The following ACAN variants were observed in gnomAD, a reference collection of about 807,000 sequenced individuals.
ACAN encodes the protein aggrecan, also known as aggrecan core protein.
Under a neutral mutation model 169.1 loss-of-function variants are expected in ACAN, and 47 were observed. The ratio of observed to expected loss-of-function variants is 0.28; its 90% CI spans 0.22 to 0.35. The LOEUF (loss-of-function observed/expected upper bound fraction) is 0.35, where lower values mean the gene tolerates loss of function less well. Among genes scored for constraint, ACAN ranks in the 10% least tolerant of loss-of-function variants. ACAN has a pLI of 1.00. For missense variants in ACAN, 2,716 were observed against 2,759.9 expected (o/e 0.98, Z 0.36); for synonymous variants, 1,115 against 1,112.2 (o/e 1.00, Z -0.05).
At position 88,872,288 on chromosome 15, in the gene ACAN, G is replaced by A. The variant is rs1439046069; in HGVS notation, c.7302+203G>A. On this transcript the variant is annotated intron_variant, in intron 16 of 18. Transcript: ENST00000560601. This position sits in a 1 kb window ranked among gnomAD's most constrained non-coding sequence, Gnocchi z 5.4. ...GGACAGATTGAGCTAATGATGGCAA[G>A]AGGCAAGGAGCCAGGAAGGAAATGA... Among the ~76,000 whole-genome samples, 1 of 152,202 alleles carries A rather than the reference G, an allele frequency of 6.6e-6. No individual in the cohort carries two copies. Among genetic ancestry groups the A allele is most frequent in the Non-Finnish European group, 1.5e-5 (1 of 68,020 alleles).
chr15:88,860,504 A>G (rs1300348687), intron 13 of ACAN, 65 bp downstream of exon 13: 2 of 1,421,048 alleles, frequency 1.4e-6, no homozygotes, highest in African/African-American at 1.4e-5. Context: ...TCATCCCCCA[A>G]AGGGTCCCCA....
In ACAN at chr15:88,849,413, T is replaced by A; in HGVS notation, c.1733-25T>A. 7 of 1,548,222 alleles carry A rather than the reference T, an allele frequency of 4.5e-6. No homozygotes were observed. Among genetic ancestry groups the A allele is most frequent in the Non-Finnish European group, 6.1e-6 (7 of 1,144,692 alleles). On this transcript the variant is annotated intron_variant, in intron 9 of 18. Coordinates refer to ENST00000560601, the MANE Select transcript of ACAN (RefSeq NM_001369268.1). This position sits in a 1 kb window ranked among gnomAD's most constrained non-coding sequence, Gnocchi z 5.1. ...CTGGCCTGAGTGTGGGGGGGTCATA[T>A]TCTACCCCTTGCCTCTGCCCCCAGG... is the stretch of plus-strand genomic sequence containing the variant.
rs1436028249 is a variant in ACAN, at chr15:88,839,797, G to T, written c.455-215G>T. Reference sequence around the variant, plus strand: ...CAGTATTATCATAAGTCTTTAAAAAGGAATGCCTTATAAAGTAGTGAGCTC... The same window carrying T: ...CAGTATTATCATAAGTCTTTAAAAATGAATGCCTTATAAAGTAGTGAGCTC... On this transcript the variant is annotated intron_variant, in intron 3 of 18. Coordinates refer to ENST00000560601, the MANE Select transcript of ACAN (RefSeq NM_001369268.1). This position sits in a 1 kb window ranked among gnomAD's most constrained non-coding sequence, Gnocchi z 4.5. Among the ~76,000 whole-genome samples the T allele has an allele frequency of 6.6e-6, 1 of 152,202 alleles. No individual in the cohort carries two copies. The highest frequency in any genetic ancestry group is 1.9e-4 in the East Asian group (1 of 5,202).
In ACAN at chr15:88,870,651, C is replaced by G. The variant is rs1897358413; in HGVS notation, c.7061-731C>G. On this transcript the variant is annotated intron_variant, in intron 14 of 18. Transcript: ENST00000560601. The surrounding 1 kb of genome is among the most constrained non-coding windows in gnomAD (Gnocchi z 6.3). ...CAAGAACTCCAAGCCAGCCCCTTCT[C>G]CAGACTGAGAACCCATTACGAATTT... 6.6e-6 allele frequency among the ~76,000 whole-genome samples: 1 copy of G among 152,144 alleles called. No individual in the cohort carries two copies. The highest frequency in any genetic ancestry group is 2.4e-5 in the African/African-American group (1 of 41,450).
Position 88,857,239 on chromosome 15 carries a change from G to C in ACAN, c.4654G>C (p.Gly1552Arg). The C allele has an allele frequency of 6.2e-7, 1 of 1,613,838 alleles. No homozygotes were observed. The highest frequency in any genetic ancestry group is 8.5e-7 in the Non-Finnish European group (1 of 1,179,878). The change falls in exon 12 of 19, where the codon GGA (glycine) becomes CGA (arginine). Residue 1552 changes from glycine to arginine, a missense_variant. Transcript: ENST00000560601. Reference sequence around the variant, plus strand: ...GGACCTCAGTGGACTTCCTTCTGGAGGAGAAGGTCTAGAGACCTCTGCTTC... The same window carrying C: ...GGACCTCAGTGGACTTCCTTCTGGACGAGAAGGTCTAGAGACCTCTGCTTC... ...FGDLSGLPSG[G>R]EGLETSASEV...
At chr15:88,829,957 G>A (rs2141540401) in intron 1 of ACAN, among the ~76,000 whole-genome samples, 1 of 152,288 alleles carries the variant, frequency 6.6e-6, no homozygotes, top group Middle Eastern at 3.4e-3. Context: ...AGAAAAATTG[G>A]GTGCTAAACA....
In ACAN at chr15:88,807,807, T is replaced by A. The variant is rs1895724165; in HGVS notation, c.-8+3998T>A. Among the ~76,000 whole-genome samples, 1 of 141,580 alleles carries A rather than the reference T, an allele frequency of 7.1e-6. No homozygotes were observed. The highest frequency in any genetic ancestry group is 2.3e-4 in the East Asian group (1 of 4,410). 92.9% of individuals were successfully genotyped at this position (141,580 alleles called of 152,430 possible). On this transcript the variant is annotated intron_variant, in intron 1 of 18. Coordinates refer to ENST00000560601, the MANE Select transcript of ACAN (RefSeq NM_001369268.1). This position sits in a 1 kb window ranked among gnomAD's most constrained non-coding sequence, Gnocchi z 4.0. Reference sequence around the variant, plus strand: ...GTGTGCATGCTGGCAGGGCGGGCCCTGCGGGCTGGCCAGGCCTGTGAGAGG... The same window carrying A: ...GTGTGCATGCTGGCAGGGCGGGCCCAGCGGGCTGGCCAGGCCTGTGAGAGG...
At chr15:88,820,709 C>T (rs994758178) in intron 1 of ACAN, among the ~76,000 whole-genome samples, 2 of 152,132 alleles carry the variant, frequency 1.3e-5, no homozygotes, top group African/African-American at 4.8e-5. Context: ...TGCATCCTCT[C>T]AACTCCCAGA....
intron 13 of ACAN, among the ~76,000 whole-genome samples, chr15:88,864,211 A>G (rs1201880674): frequency 1.3e-5 from 2 of 152,264 alleles, no homozygotes; most frequent in East Asian, 3.9e-4. Context: ...TATATTCAAG[A>G]TCAACCTTTA....
chr15:88,851,383 ATTC>A lies in ACAN; in HGVS notation c.2027-410_2027-408del. On this transcript the variant is annotated intron_variant, in intron 10 of 18. Transcript: ENST00000560601. This position sits in a 1 kb window ranked among gnomAD's most constrained non-coding sequence, Gnocchi z 4.3. ...GTGGAGTCTGGTACCAGATGCTTAA[ATTC>A]AAAGACTAGATCTGACATTTGTAAG... is the stretch of plus-strand genomic sequence containing the variant. 6.1e-6 allele frequency: 1 copy of A among 163,596 alleles called. No individual in the cohort carries two copies. 10.1% of individuals were successfully genotyped at this position (163,596 alleles called of 1,614,324 possible).
chr15:88,831,195 T>C (rs1443429891), intron 1 of ACAN, among the ~76,000 whole-genome samples: 1 of 152,234 alleles, frequency 6.6e-6, no homozygotes, highest in Non-Finnish European at 1.5e-5. Context: ...GCCAATTGGC[T>C]GTAGCATAAC....
chr15:88,825,308 G>T (rs914569518), intron 1 of ACAN, among the ~76,000 whole-genome samples: 1 of 152,112 alleles, frequency 6.6e-6, no homozygotes, highest in Non-Finnish European at 1.5e-5. Context: ...GACTTCTGGT[G>T]GGTGACTTGG....
At chr15:88,848,156 C>G in intron 9 of ACAN, 118 bp downstream of exon 9, 1 of 1,431,244 alleles carries the variant, frequency 7.0e-7, no homozygotes, top group Non-Finnish European at 9.4e-7. Flanking sequence ...TTCCACCCAG[C>G]TTTCCAGGTG....
chr15:88,874,092 C>A lies in ACAN; in HGVS notation c.7630+68C>A, dbSNP rs777026700. 1.3e-6 allele frequency: 2 copies of A among 1,578,738 alleles called. No homozygotes were observed. Among genetic ancestry groups the A allele is most frequent in the East Asian group, 2.3e-5 (1 of 44,204 alleles). On this transcript the variant is annotated intron_variant, in intron 18 of 18. Coordinates refer to ENST00000560601, the MANE Select transcript of ACAN (RefSeq NM_001369268.1). This position sits in a 1 kb window ranked among gnomAD's most constrained non-coding sequence, Gnocchi z 7.3. ...TCTGCCAGCACAGCCTTCCCCCCGT[C>A]CCCTCTCCTGGGGACCCTACACCGT... is the stretch of plus-strand genomic sequence containing the variant.
rs1475564946 is a variant in ACAN, at chr15:88,803,567, G to C, written c.-250G>C. 1 of 151,998 alleles carries C rather than the reference G, an allele frequency of 6.6e-6. No homozygotes were observed. The highest frequency in any genetic ancestry group is 1.5e-5 in the Non-Finnish European group (1 of 68,080). The allele number at this position is 151,998 out of a possible 1,614,324, so 9.4% of individuals were successfully genotyped here. On this transcript the variant is annotated 5_prime_UTR_variant, in exon 1 of 19. Transcript: ENST00000560601. ...CTGACGCGGGTGCCAGGGTCTCCGGGCACCTTTCAGTGTCCATTCCCTCAG... is the reference window on the plus strand; with the variant it reads ...CTGACGCGGGTGCCAGGGTCTCCGGCCACCTTTCAGTGTCCATTCCCTCAG...
At chr15:88,841,095 A>C (rs1359678699) in intron 4 of ACAN, among the ~76,000 whole-genome samples, 1 of 152,240 alleles carries the variant, frequency 6.6e-6, no homozygotes, top group Non-Finnish European at 1.5e-5. Context: ...CAGTGAGCCG[A>C]GATCGCGCCA....
chr15:88,831,196 G>A (rs547270947), intron 1 of ACAN, among the ~76,000 whole-genome samples: 101 of 152,342 alleles, frequency 6.6e-4, no homozygotes, highest in African/African-American at 2.3e-3. Flanking sequence ...CCAATTGGCT[G>A]TAGCATAACA....
chr15:88,818,229 T>G (rs77734113), intron 1 of ACAN, among the ~76,000 whole-genome samples: 6,262 of 152,286 alleles, frequency 0.041, 408 homozygotes, highest in African/African-American at 0.14. Context: ...TGAAAAGTAC[T>G]TGTCAGTAGA....
Position 88,874,571 on chromosome 15 carries a change from G to A in ACAN, c.*90G>A, listed in dbSNP as rs1253380229. 33 of 1,251,352 alleles carry A rather than the reference G, an allele frequency of 2.6e-5. No homozygotes were observed. The East Asian group carries it at 7.6e-4, about 29-fold the overall frequency. 77.5% of individuals were successfully genotyped at this position (1,251,352 alleles called of 1,614,324 possible). A position where few individuals can be genotyped will look rare whatever the true frequency, so the allele number is the denominator to read the frequency against. Reference sequence around the variant, plus strand: ...ACCCAGACGGTGTCCTCTTCTTGTCGCTTTTTGTCATATAAGGAATCCCAT... The same window carrying A: ...ACCCAGACGGTGTCCTCTTCTTGTCACTTTTTGTCATATAAGGAATCCCAT... On this transcript the variant is annotated 3_prime_UTR_variant, in exon 19 of 19. Transcript: ENST00000560601. This position sits in a 1 kb window ranked among gnomAD's most constrained non-coding sequence, Gnocchi z 7.3.
Sources: allele counts gnomAD v4.1 joint callset (sites outside exome capture counted in the v4.1 genomes callset), GRCh38; gene constraint gnomAD v4.1.1; non-coding constraint Gnocchi (gnomAD v3.1); transcripts MANE v1.5; gene names NCBI Gene and HGNC (gene_info 2026-07-23, HGNC 2026-07-21).